The following SBF2 variants were observed in gnomAD, a reference collection of about 807,000 sequenced individuals.
SBF2 encodes myotubularin-related protein 13.
Under a neutral mutation model 225.2 loss-of-function variants are expected in SBF2, and 112 were observed. The observed-to-expected ratio is 0.50, with a 90% CI of 0.43 to 0.58. The LOEUF is 0.58. Ranked by LOEUF, SBF2 falls within the 20% of genes least tolerant of loss-of-function variation. The pLI is 0.00. For missense variants in SBF2, 1,996 were observed against 2,206.2 expected (o/e 0.90, Z 1.91); for synonymous variants, 763 against 773.3 (o/e 0.99, Z 0.22).
At chr11:9,803,372 T>C (rs1027218425) in intron 32 of SBF2, among the ~76,000 whole-genome samples, 2 of 152,246 alleles carry the variant, frequency 1.3e-5, no homozygotes. Context: ...ATGTAAGTTA[T>C]GCTACATCTT....
chr11:10,127,873 G>A (rs938116609), intron 2 of SBF2, among the ~76,000 whole-genome samples: 7 of 152,150 alleles, frequency 4.6e-5, no homozygotes, highest in African/African-American at 1.4e-4. Context: ...AGTAGGCTAC[G>A]CAAATTATGA....
Position 10,133,378 on chromosome 11 carries a change from G to C in SBF2, c.141+60524C>G, listed in dbSNP as rs895174455. Among the ~76,000 whole-genome samples the C allele has an allele frequency of 1.8e-4, 27 of 149,578 alleles. 4 individuals carry two copies. The highest frequency in any genetic ancestry group is 4.4e-4 in the East Asian group (2 of 4,566). ...GGGGTGGTGCTTGTCGGGGAGGCTC[G>C]GGCCGCACAGGAGCCCATGGAGTGG... is the stretch of plus-strand genomic sequence containing the variant. On this transcript the variant is annotated intron_variant, in intron 2 of 39. Coordinates refer to ENST00000256190, the MANE Select transcript of SBF2 (RefSeq NM_030962.4).
intron 32 of SBF2, among the ~76,000 whole-genome samples, chr11:9,806,372 T>C (rs760033275): frequency 3.3e-4 from 50 of 152,106 alleles, no homozygotes; most frequent in Admixed American, 1.3e-4. Context: ...TCTAGTCCAA[T>C]TGATAAGCAT....
intron 2 of SBF2, among the ~76,000 whole-genome samples, chr11:10,067,441 T>C (rs1447795277): frequency 2.0e-5 from 3 of 151,946 alleles, no homozygotes; most frequent in Middle Eastern, 3.2e-3. Flanking sequence ...CCAGTGAAAA[T>C]GTAAAGGACC....
At chr11:10,279,611 C>T (rs1406498123) in intron 1 of SBF2, among the ~76,000 whole-genome samples, 1 of 152,110 alleles carries the variant, frequency 6.6e-6, no homozygotes, top group Non-Finnish European at 1.5e-5. Context: ...CGTGACCTGT[C>T]ACCTCCCACA....
intron 16 of SBF2, among the ~76,000 whole-genome samples, chr11:9,946,960 A>T (rs1252296764): frequency 6.6e-6 from 1 of 152,252 alleles, no homozygotes; most frequent in African/African-American, 2.4e-5. Context: ...TTACTTAAGG[A>T]ATTTCCTAAC....
chr11:10,016,496 A>ATTG (rs1291381353), intron 6 of SBF2: 1 of 151,836 alleles, frequency 6.6e-6, no homozygotes, highest in African/African-American at 2.4e-5. Flanking sequence ...TATTATTATT[A>ATTG]TTGTTTTTGA....
At chr11:9,989,249 C>T (rs773713264) in intron 13 of SBF2, among the ~76,000 whole-genome samples, 6 of 151,774 alleles carry the variant, frequency 4.0e-5, no homozygotes, top group Admixed American at 6.6e-5. Flanking sequence ...GCTATGAGGA[C>T]GCAAAGACAT....
At chr11:10,196,867 T>TATATATATA (rs1409393179) in intron 1 of SBF2, among the ~76,000 whole-genome samples, 31 of 38,550 alleles carry the variant, frequency 8.0e-4, no homozygotes, top group African/African-American at 2.7e-3. Flanking sequence ...TATATATATA[T>TATATATATA]TTTTTTTTTC....
intron 16 of SBF2, among the ~76,000 whole-genome samples, chr11:9,912,730 T>C (rs1862744377): frequency 6.6e-6 from 1 of 152,192 alleles, no homozygotes; most frequent in South Asian, 2.1e-4. Flanking sequence ...CTACTTATTT[T>C]AAAAAATTAG....
chr11:10,051,138 A>C (rs1412953935), intron 2 of SBF2, among the ~76,000 whole-genome samples: 1 of 152,150 alleles, frequency 6.6e-6, no homozygotes. Context: ...TTGAAGGTGA[A>C]ATATTATAGG....
chr11:9,845,047 T>A (rs923906321), intron 24 of SBF2, among the ~76,000 whole-genome samples: 1 of 152,132 alleles, frequency 6.6e-6, no homozygotes, highest in African/African-American at 2.4e-5. Flanking sequence ...TATGTGTATA[T>A]ATGAGAGAGA....
chr11:10,185,093 A>G lies in SBF2; in HGVS notation c.141+8809T>C, dbSNP rs572457540. Among the ~76,000 whole-genome samples the G allele has an allele frequency of 6.0e-5, 9 of 149,492 alleles. No homozygotes were observed. In the South Asian group the frequency reaches 2.0e-3, roughly 32 times the overall value. On this transcript the variant is annotated intron_variant, in intron 2 of 39. Transcript: ENST00000256190. ...TGTGTCAGAATTTTCTTCCTTTTTA[A>G]GGCTGAATAATATTCTGGGGGGGGG...
intron 2 of SBF2, among the ~76,000 whole-genome samples, chr11:10,045,625 C>T (rs1340656494): frequency 1.3e-5 from 2 of 152,132 alleles, no homozygotes; most frequent in Non-Finnish European, 2.9e-5. Flanking sequence ...TAATATTTAA[C>T]TTTTCCTCCA....
intron 2 of SBF2, among the ~76,000 whole-genome samples, chr11:10,092,516 G>C (rs1260238666): frequency 6.6e-6 from 1 of 152,122 alleles, no homozygotes. Context: ...TATCAGAAAG[G>C]AGTATATCAT....
intron 17 of SBF2, among the ~76,000 whole-genome samples, chr11:9,865,687 T>TAAAAAAA (rs1858143624): frequency 1.1e-4 from 1 of 9,350 alleles, no homozygotes; most frequent in Non-Finnish European, 1.5e-4. Context: ...CAAAACTGTC[T>TAAAAAAA]CAAAAAAAAA....
chr11:10,223,436 T>TAC (rs1383859687), intron 1 of SBF2, among the ~76,000 whole-genome samples: 1 of 125,342 alleles, frequency 8.0e-6, no homozygotes, highest in Non-Finnish European at 1.7e-5. Flanking sequence ...TATATATATA[T>TAC]ATATATAGTA....
chr11:10,111,284 T>C (rs190655028), intron 2 of SBF2, among the ~76,000 whole-genome samples: 8 of 152,300 alleles, frequency 5.3e-5, no homozygotes, highest in Admixed American at 2.0e-4. Context: ...AGCCAAGAAA[T>C]ATTTTATAAA....
chr11:9,794,385 C>G (rs569752291), intron 33 of SBF2, among the ~76,000 whole-genome samples: 84 of 152,146 alleles, frequency 5.5e-4, no homozygotes, highest in African/African-American at 2.0e-3. Context: ...CCACTTAAGA[C>G]CAGGCCTGGC....
Sources: allele counts gnomAD v4.1 joint callset (sites outside exome capture counted in the v4.1 genomes callset), GRCh38; gene constraint gnomAD v4.1.1; transcripts MANE v1.5; gene names NCBI Gene and HGNC (gene_info 2026-07-23, HGNC 2026-07-21).